Variants in DLG2 observed in about 807,000 individuals in gnomAD.
The protein encoded by DLG2 is disks large homolog 2.
In DLG2, 45 loss-of-function variants were observed where a neutral mutation model predicts 132.5. The ratio of observed to expected loss-of-function variants is 0.34; its 90% confidence interval spans 0.27 to 0.44. The LOEUF (loss-of-function observed/expected upper bound fraction) is 0.44, where lower values mean the gene tolerates loss of function less well. Among genes scored for constraint, DLG2 ranks in the 20% least tolerant of loss-of-function variants. The probability of loss-of-function intolerance (pLI) is 1.00; values close to 1 mark genes in which losing one functional copy is unlikely to be tolerated. For missense variants in DLG2, 1,045 were observed against 1,196.9 expected, an observed-to-expected ratio of 0.87 and a Z score of 1.87; for synonymous variants, 424 against 419.6, an observed-to-expected ratio of 1.01 and a Z score of -0.13.
chr11:85,572,327 G>A (rs753154861), intron 3 of DLG2, among the ~76,000 whole-genome samples: 1 of 152,036 alleles, frequency 6.6e-6, no homozygotes, highest in African/African-American at 2.4e-5. Flanking sequence ...TTGTTGCAAG[G>A]CTTATCAATA....
intron 7 of DLG2, among the ~76,000 whole-genome samples, chr11:84,313,643 A>AAGAAAGAAAGAAAGAAAG (rs1567260568): frequency 1.1e-5 from 1 of 87,834 alleles, no homozygotes; most frequent in East Asian, 3.0e-4. Context: ...AAGAGAGAAA[A>AAGAAAGAAAGAAAGAAAG]AGAAAGAAAG....
In DLG2 at chr11:84,394,773, C is replaced by T. The variant is rs139144546; in HGVS notation, c.519+139797G>A. 3.4e-3 allele frequency among the ~76,000 whole-genome samples: 521 copies of T among 152,180 alleles called. 22 individuals carry two copies. The East Asian group carries it at 0.078, about 23-fold the overall frequency. On this transcript the variant is annotated intron_variant, in intron 7 of 27. Coordinates refer to ENST00000376104, the MANE Select transcript of DLG2 (RefSeq NM_001142699.3). Reference sequence around the variant, plus strand: ...AGTAGCTGGGATTACAGGTGTGCACCAGCACGCCCAGCTAATTTTTGTATT... The same window carrying T: ...AGTAGCTGGGATTACAGGTGTGCACTAGCACGCCCAGCTAATTTTTGTATT...
In DLG2 at chr11:84,786,109, A is replaced by G. The variant is rs145183543; in HGVS notation, c.358-251378T>C. 3.4e-4 allele frequency among the ~76,000 whole-genome samples: 52 copies of G among 152,260 alleles called. No individual in the cohort carries two copies. In the South Asian group the frequency reaches 4.4e-3, roughly 13 times the overall value. On this transcript the variant is annotated intron_variant, in intron 6 of 27. Transcript: ENST00000376104. The stretch of plus-strand genomic sequence containing the variant: ...AACTAGGAAATATTCTTAAAGATAA[A>G]ATATATCATCATCATGATTCATTCT...
At chr11:85,465,684 T>C (rs1412662136) in intron 3 of DLG2, among the ~76,000 whole-genome samples, 5 of 152,246 alleles carry the variant, frequency 3.3e-5, no homozygotes, top group African/African-American at 7.2e-5. Context: ...GTGTGCCACA[T>C]TGTCTTAATC....
chr11:84,429,163 C>A (rs981557265), intron 7 of DLG2, among the ~76,000 whole-genome samples: 1 of 152,160 alleles, frequency 6.6e-6, no homozygotes, highest in East Asian at 1.9e-4. Flanking sequence ...AAGGAAGTTC[C>A]AGACCTTTTG....
rs190055896 is a variant in DLG2 at position 84,843,142 on chromosome 11, A to T, written c.357+268519T>A. ...GATACATCTTTAAAAGAGGGATAGC[A>T]GTGCAAAACTTTTGGAAGTAATGGA... is the stretch of plus-strand genomic sequence containing the variant. On this transcript the variant is annotated intron_variant, in intron 6 of 27. Transcript: ENST00000376104. Among the ~76,000 whole-genome samples, 6 of 152,164 alleles carry T rather than the reference A, an allele frequency of 3.9e-5. No individual in the cohort carries two copies. The East Asian group carries it at 7.8e-4, about 20-fold the overall frequency.
chr11:85,184,265 A>T (rs1216735212), intron 4 of DLG2, among the ~76,000 whole-genome samples: 2 of 151,930 alleles, frequency 1.3e-5, no homozygotes, highest in Admixed American at 1.3e-4. Context: ...AGCTGCATAA[A>T]TTAAAACAAA....
At chr11:85,434,000 C>T (rs563487078) in intron 3 of DLG2, among the ~76,000 whole-genome samples, 1 of 152,154 alleles carries the variant, frequency 6.6e-6, no homozygotes, top group Non-Finnish European at 1.5e-5. Flanking sequence ...AATTAGAACT[C>T]AGGATTAAGA....
chr11:84,013,172 G>A (rs1425157940), intron 11 of DLG2, among the ~76,000 whole-genome samples: 4 of 152,084 alleles, frequency 2.6e-5, no homozygotes, highest in Non-Finnish European at 4.4e-5. Flanking sequence ...TGCAGAACCT[G>A]AGCTAAAAGC....
chr11:83,613,321 C>A (rs1169571345), intron 19 of DLG2, among the ~76,000 whole-genome samples: 1 of 152,182 alleles, frequency 6.6e-6, no homozygotes, highest in Non-Finnish European at 1.5e-5. Context: ...CATGTGCACA[C>A]ACACATATGC....
At chr11:85,543,400 G>T (rs768339513) in intron 3 of DLG2, among the ~76,000 whole-genome samples, 2 of 152,134 alleles carry the variant, frequency 1.3e-5, no homozygotes, top group Non-Finnish European at 2.9e-5. Flanking sequence ...TGGACATTTG[G>T]GTGGGTTCCA....
At chr11:85,575,227 T>C (rs1247601578) in intron 3 of DLG2, among the ~76,000 whole-genome samples, 5 of 151,852 alleles carry the variant, frequency 3.3e-5, no homozygotes, top group African/African-American at 1.2e-4. Flanking sequence ...CATTTCCTAC[T>C]ACTGTTTCTC....
At chr11:85,171,216 G>T (rs1038987615) in intron 4 of DLG2, among the ~76,000 whole-genome samples, 3 of 152,146 alleles carry the variant, frequency 2.0e-5, no homozygotes, top group Admixed American at 6.5e-5. Context: ...AGGTATCCAG[G>T]TTATTGCATT....
At chr11:85,574,901 C>A (rs2078062108) in intron 3 of DLG2, among the ~76,000 whole-genome samples, 1 of 152,054 alleles carries the variant, frequency 6.6e-6, no homozygotes, top group South Asian at 2.1e-4. Context: ...ACAAAACAGA[C>A]TAATACAGTC....
chr11:84,813,692 G>A (rs2076813472), intron 6 of DLG2, among the ~76,000 whole-genome samples: 1 of 151,998 alleles, frequency 6.6e-6, no homozygotes, highest in Non-Finnish European at 1.5e-5. Context: ...GGTCTTTTGG[G>A]GATGTTGTCC....
At chr11:83,980,673 T>A in intron 11 of DLG2, 31 bp from the exon 12 acceptor site, 1 of 1,495,612 alleles carries the variant, frequency 6.7e-7, no homozygotes, top group Non-Finnish European at 8.9e-7. Context: ...ATGGAAAGCC[T>A]TGTTTTGTTG....
At chr11:83,607,653 T>C (rs913743052) in intron 19 of DLG2, among the ~76,000 whole-genome samples, 1 of 152,232 alleles carries the variant, frequency 6.6e-6, no homozygotes, top group Non-Finnish European at 1.5e-5. Context: ...TTAAAAAAGA[T>C]TTCTTCAAGA....
At chr11:84,704,894 A>ATATATACACATATATATACATTATG (rs1432834277) in intron 6 of DLG2, among the ~76,000 whole-genome samples, 18 of 149,012 alleles carry the variant, frequency 1.2e-4, no homozygotes, top group African/African-American at 4.2e-4. Flanking sequence ...CACATTATGT[A>ATATATACACATATATATACATTATG]TATATACACA....
At chr11:84,914,573 G>C (rs761829029) in intron 6 of DLG2, among the ~76,000 whole-genome samples, 4 of 152,178 alleles carry the variant, frequency 2.6e-5, no homozygotes, top group Admixed American at 6.5e-5. Context: ...GAATTCTTCT[G>C]GTCCCTGGCT....
Sources: gnomAD v4.1 joint callset for allele counts (sites outside exome capture counted in the v4.1 genomes callset) on GRCh38, gnomAD v4.1.1 for gene constraint, MANE v1.5 for transcripts, NCBI Gene and HGNC (gene_info 2026-07-23, HGNC 2026-07-21) for gene names.